Variants in LRRC4C observed in about 807,000 individuals in gnomAD.
LRRC4C encodes the protein leucine-rich repeat-containing protein 4C.
Under a neutral mutation model 33.6 loss-of-function variants are expected in LRRC4C, and 5 were observed. The ratio of observed to expected loss-of-function variants is 0.15; its 90% CI spans 0.08 to 0.31. The LOEUF (loss-of-function observed/expected upper bound fraction) is 0.31, where lower values mean the gene tolerates loss of function less well. Ranked by LOEUF, LRRC4C falls within the 10% of genes least tolerant of loss-of-function variation. The pLI, the probability that LRRC4C is intolerant of heterozygous loss-of-function variation, is 1.00. For synonymous variants in LRRC4C, 329 were observed against 302.0 expected (o/e 1.09, Z -0.93); for missense variants, 560 against 796.7 (o/e 0.70, Z 3.58).
intron 2 of LRRC4C, among the ~76,000 whole-genome samples, chr11:40,775,327 G>T (rs532908951): frequency 6.6e-6 from 1 of 151,926 alleles, no homozygotes; most frequent in Non-Finnish European, 1.5e-5. Context: ...GGGGAATGGC[G>T]TGAACCCGGG....
intron 3 of LRRC4C, among the ~76,000 whole-genome samples, chr11:40,359,941 C>T (rs888509656): frequency 2.6e-5 from 4 of 152,108 alleles, no homozygotes; most frequent in Non-Finnish European, 5.9e-5. Flanking sequence ...TCATCCCTAC[C>T]TAATAGGGCA....
At chr11:41,215,008 A>G (rs1196422034) in intron 1 of LRRC4C, among the ~76,000 whole-genome samples, 1 of 125,124 alleles carries the variant, frequency 8.0e-6, no homozygotes, top group East Asian at 2.3e-4. Context: ...TCTATTTTTT[A>G]TTCATGTATA....
intron 1 of LRRC4C, among the ~76,000 whole-genome samples, chr11:41,273,338 G>A (rs185203440): frequency 2.3e-3 from 354 of 152,182 alleles, no homozygotes; most frequent in Non-Finnish European, 4.0e-3. Flanking sequence ...ACATATGAAA[G>A]CAACCTAAAT....
chr11:41,389,829 C>T (rs758699150), intron 1 of LRRC4C, among the ~76,000 whole-genome samples: 4 of 151,792 alleles, frequency 2.6e-5, no homozygotes, highest in East Asian at 2.0e-4. Context: ...TACCATTGAA[C>T]GATGCTGTGA....
At chr11:41,090,646 C>T (rs975825263) in intron 1 of LRRC4C, among the ~76,000 whole-genome samples, 1 of 152,078 alleles carries the variant, frequency 6.6e-6, no homozygotes, top group Non-Finnish European at 1.5e-5. Flanking sequence ...AATCTCACCT[C>T]GAATTGTAAT....
chr11:41,381,373 A>C (rs2137891817), intron 1 of LRRC4C, among the ~76,000 whole-genome samples: 1 of 152,272 alleles, frequency 6.6e-6, no homozygotes, highest in South Asian at 2.1e-4. Flanking sequence ...CAGGTCTGTA[A>C]TCCCAGTACT....
intron 1 of LRRC4C, among the ~76,000 whole-genome samples, chr11:41,325,438 A>G (rs546033679): frequency 4.9e-4 from 74 of 152,020 alleles, no homozygotes; most frequent in Non-Finnish European, 7.9e-4. Flanking sequence ...TATTTGCAGT[A>G]TTTCTTGAAC....
intron 3 of LRRC4C, among the ~76,000 whole-genome samples, chr11:40,598,847 C>T (rs1591233837): frequency 6.6e-6 from 1 of 152,054 alleles, no homozygotes; most frequent in Non-Finnish European, 1.5e-5. Flanking sequence ...CTCTCACCCC[C>T]AGAAAGCTAA....
At position 40,239,914 on chromosome 11, in the gene LRRC4C, A is replaced by T. The variant is rs1490151794; in HGVS notation, c.-96+1605T>A. Among the ~76,000 whole-genome samples, 3 of 152,202 alleles carry T rather than the reference A, an allele frequency of 2.0e-5. No individual in the cohort carries two copies. In the East Asian group the frequency reaches 5.8e-4, roughly 29 times the overall value. ...GAAGACATAAAACCTTCCTACACAA[A>T]GTGTTAAAGACCAGCAGCATCAGCA... On this transcript the variant is annotated intron_variant, in intron 5 of 6. Coordinates refer to ENST00000528697, the MANE Select transcript of LRRC4C (RefSeq NM_001258419.2).
intron 3 of LRRC4C, among the ~76,000 whole-genome samples, chr11:40,575,175 T>C (rs1287908414): frequency 6.6e-6 from 1 of 152,160 alleles, no homozygotes; most frequent in Non-Finnish European, 1.5e-5. Flanking sequence ...CTCAGGTTTC[T>C]AGCTCATGAA....
rs1044678859 is a variant in LRRC4C, at chr11:41,209,091, C to T, written c.-496+250340G>A. Among the ~76,000 whole-genome samples, 8 of 151,736 alleles carry T rather than the reference C, an allele frequency of 5.3e-5. No individual in the cohort carries two copies. The East Asian group carries it at 5.8e-4, about 11-fold the overall frequency. ...GTTCAGAAAGAAAAAAAAAAAAACC[C>T]GTTAGGTACTAAGCATAGTGTTTTG... is the stretch of plus-strand genomic sequence containing the variant. On this transcript the variant is annotated intron_variant, in intron 1 of 6. Coordinates refer to ENST00000528697, the MANE Select transcript of LRRC4C (RefSeq NM_001258419.2).
intron 1 of LRRC4C, among the ~76,000 whole-genome samples, chr11:41,344,626 T>C (rs751800196): frequency 6.6e-6 from 1 of 152,230 alleles, no homozygotes; most frequent in Non-Finnish European, 1.5e-5. Flanking sequence ...AAGCATATTG[T>C]TCATCTGCTT....
At chr11:40,221,277 T>C (rs1462557530) in intron 5 of LRRC4C, among the ~76,000 whole-genome samples, 7 of 152,222 alleles carry the variant, frequency 4.6e-5, no homozygotes, top group Non-Finnish European at 8.8e-5. Context: ...CTAAATGTCT[T>C]TGACTTGTAA....
intron 3 of LRRC4C, among the ~76,000 whole-genome samples, chr11:40,637,650 A>T (rs10768617): frequency 0.76 from 116,090 of 152,104 alleles, 45,215 homozygotes; most frequent in African/African-American, 0.92. Context: ...CTTTCTTACA[A>T]CCTGTCTTTA....
chr11:40,703,643 G>GA (rs1433550863), intron 2 of LRRC4C, among the ~76,000 whole-genome samples: 1 of 152,088 alleles, frequency 6.6e-6, no homozygotes, highest in African/African-American at 2.4e-5. Flanking sequence ...TTAATTAGGA[G>GA]AAAAAATATT....
intron 2 of LRRC4C, among the ~76,000 whole-genome samples, chr11:40,734,700 C>G (rs1419568595): frequency 1.3e-5 from 2 of 151,968 alleles, no homozygotes; most frequent in African/African-American, 4.8e-5. Context: ...ACATATGTTT[C>G]TTTACAATCT....
chr11:41,250,973 G>T (rs1475779094), intron 1 of LRRC4C, among the ~76,000 whole-genome samples: 1 of 152,128 alleles, frequency 6.6e-6, no homozygotes, highest in Admixed American at 6.5e-5. Context: ...GACATTTATA[G>T]ATAGTTCTCT....
At chr11:40,698,234 C>T (rs1945680316) in intron 2 of LRRC4C, among the ~76,000 whole-genome samples, 1 of 152,126 alleles carries the variant, frequency 6.6e-6, no homozygotes, top group Middle Eastern at 3.4e-3. Context: ...ACCCCTTTGC[C>T]TTACTTTCTT....
At chr11:40,264,359 A>G (rs1391533437) in intron 4 of LRRC4C, among the ~76,000 whole-genome samples, 1 of 152,232 alleles carries the variant, frequency 6.6e-6, no homozygotes, top group Non-Finnish European at 1.5e-5. Context: ...TTTCAAAACC[A>G]TTCTCAATTC....
Sources: gnomAD v4.1 joint callset for allele counts (sites outside exome capture counted in the v4.1 genomes callset) on GRCh38, gnomAD v4.1.1 for gene constraint, MANE v1.5 for transcripts, NCBI Gene and HGNC (gene_info 2026-07-23, HGNC 2026-07-21) for gene names.